The following NPC1L1 variants were observed in gnomAD, a reference collection of about 807,000 sequenced individuals.
The protein encoded by NPC1L1 is NPC1-like intracellular cholesterol transporter 1.
A neutral mutation model predicts 117.0 loss-of-function variants in NPC1L1; 98 were observed. That is an observed-to-expected ratio of 0.84 (90% confidence interval 0.71 to 0.99). The LOEUF is 0.99. NPC1L1 is among the 50% of genes least tolerant of loss of function. The probability of loss-of-function intolerance (pLI) is 0.00; values close to 1 mark genes in which losing one functional copy is unlikely to be tolerated. For synonymous variants in NPC1L1, 729 were observed against 727.6 expected (o/e 1.00, Z -0.03); for missense variants, 1,540 against 1,710.0 (o/e 0.90, Z 1.75).
rs935094047 is a variant in NPC1L1, at chr7:44,535,690, T to C, written c.1983+150A>G. 136 of 959,236 alleles carry C rather than the reference T, an allele frequency of 1.4e-4. 1 individual carries two copies. Among genetic ancestry groups the C allele is most frequent in the Non-Finnish European group, 4.9e-6 (3 of 616,888 alleles). 59.4% of individuals were successfully genotyped at this position (959,236 alleles called of 1,614,324 possible). ...CTCTTGACCTTTCAGCACAGAACAC[T>C]TGCAAGAGGTATTACCCTTTGGGGC... On this transcript the variant is annotated intron_variant, in intron 5 of 18. Coordinates refer to ENST00000381160, the MANE Select transcript of NPC1L1 (RefSeq NM_001101648.2).
intron 14 of NPC1L1, among the ~76,000 whole-genome samples, chr7:44,520,095 C>T (rs913966105): frequency 1.3e-5 from 2 of 152,180 alleles, no homozygotes; most frequent in African/African-American, 2.4e-5. Context: ...GCTTGGCCAA[C>T]GTGGTGCAAT....
At chr7:44,523,754 C>A (rs117990183) in intron 10 of NPC1L1, among the ~76,000 whole-genome samples, 1,676 of 152,290 alleles carry the variant, frequency 0.011, 12 homozygotes, top group Non-Finnish European at 0.017. Context: ...GTAGTCCTAG[C>A]TACTCAGGAG....
At chr7:44,540,627 C>T (rs1241180633) in intron 1 of NPC1L1, among the ~76,000 whole-genome samples, 3 of 152,156 alleles carry the variant, frequency 2.0e-5, no homozygotes, top group Middle Eastern at 3.4e-3. Context: ...TCCAAGGTCC[C>T]GGGCTCTGCC....
intron 5 of NPC1L1, among the ~76,000 whole-genome samples, chr7:44,535,596 A>G (rs1801856708): frequency 6.6e-6 from 1 of 152,130 alleles, no homozygotes; most frequent in African/African-American, 2.4e-5. Flanking sequence ...AGAGGGTAGG[A>G]GGGAAAAGAG....
In NPC1L1 at chr7:44,538,517, G is replaced by A. The variant is rs912946535; in HGVS notation, c.1580+300C>T. On this transcript the variant is annotated intron_variant, in intron 2 of 18. Coordinates refer to ENST00000381160, the MANE Select transcript of NPC1L1 (RefSeq NM_001101648.2). The surrounding 1 kb of genome is among the most constrained non-coding windows in gnomAD (Gnocchi z 5.9). Reference sequence around the variant, plus strand: ...CTCCTCTGTCAGACTTAAAGCAAGAGTGTGGCAGGGAGCTCCCACATGTCA... The same window carrying A: ...CTCCTCTGTCAGACTTAAAGCAAGAATGTGGCAGGGAGCTCCCACATGTCA... Among the ~76,000 whole-genome samples, 7 of 152,266 alleles carry A rather than the reference G, an allele frequency of 4.6e-5. No homozygotes were observed. The highest frequency in any genetic ancestry group is 1.7e-4 in the African/African-American group (7 of 41,474).
At chr7:44,532,549 C>T (rs1326143575) in intron 8 of NPC1L1, among the ~76,000 whole-genome samples, 3 of 152,148 alleles carry the variant, frequency 2.0e-5, no homozygotes, top group Non-Finnish European at 4.4e-5. Context: ...ATCAAGCCCT[C>T]CTCTTCCTCC....
At chr7:44,529,464 T>C (rs890025210) in intron 10 of NPC1L1, among the ~76,000 whole-genome samples, 9 of 151,660 alleles carry the variant, frequency 5.9e-5, no homozygotes, top group Non-Finnish European at 8.8e-5. Flanking sequence ...CCACAACCTC[T>C]GCCTCCCAGG....
chr7:44,526,495 G>C (rs217413), intron 10 of NPC1L1, among the ~76,000 whole-genome samples: 27,465 of 143,292 alleles, frequency 0.19, 2,864 homozygotes, highest in Non-Finnish European at 0.23. Context: ...GTTGCAGTGA[G>C]CCGAGATCAC....
chr7:44,540,231 A>T lies in NPC1L1; in HGVS notation c.166T>A (p.Ser56Thr). The change falls in exon 2 of 19, where the codon TCC becomes ACC. Residue 56 changes from serine to threonine, a missense_variant. Physicochemically the swap from Ser to Thr is moderately conservative, Grantham distance 58. This residue lies in a region of NPC1L1 where 793 missense variants were observed against 820.4 expected (regional missense o/e 0.97). Transcript: ENST00000381160. The stretch of plus-strand genomic sequence containing the variant: ...CGGGCCGGCGTGTTGGACAGGCAGG[A>T]CACGTTGGAGAGTGTCATGAGGCTT... ...SGSLMTLSNV[S>T]CLSNTPARKI... 2 of 1,614,032 alleles carry T rather than the reference A, an allele frequency of 1.2e-6. No homozygotes were observed. Among genetic ancestry groups the T allele is most frequent in the Non-Finnish European group, 1.7e-6 (2 of 1,180,022 alleles).
At chr7:44,531,623 T>C (rs1642586016) in intron 10 of NPC1L1, 132 bp downstream of exon 10, 2 of 755,068 alleles carry the variant, frequency 2.6e-6, no homozygotes, top group Non-Finnish European at 2.2e-6. Flanking sequence ...TGGAGGTGCC[T>C]CCAGAGTAAT....
Position 44,532,146 on chromosome 7 carries a change from G to A in NPC1L1, c.2481C>T (p.Leu827=), listed in dbSNP as rs546039824. 72 of 1,614,072 alleles carry A rather than the reference G, an allele frequency of 4.5e-5. 1 individual carries two copies. The South Asian group carries it at 7.7e-4, about 17-fold the overall frequency. ...AAGCCTTTTGGAAGAAGCCAAGCAGGAGCCCCTCTCCCTGGCCAGGCGGGG... is the reference window on the plus strand; with the variant it reads ...AAGCCTTTTGGAAGAAGCCAAGCAGAAGCCCCTCTCCCTGGCCAGGCGGGG... The part of the protein sequence containing the change: ...ELPPPGQGEG[L]LLGFFQKAYA... Residue 827 remains leucine, a synonymous_variant, in exon 9 of 19, where the codon CTC becomes CTT. Transcript: ENST00000381160.
Position 44,534,368 on chromosome 7 carries a change from C to T in NPC1L1, c.2166+79G>A, listed in dbSNP as rs755981404. The T allele has an allele frequency of 1.2e-5, 18 of 1,449,114 alleles. No homozygotes were observed. The highest frequency in any genetic ancestry group is 1.7e-5 in the Non-Finnish European group (18 of 1,030,038). 89.8% of individuals were successfully genotyped at this position (1,449,114 alleles called of 1,614,324 possible). On this transcript the variant is annotated intron_variant, in intron 6 of 18. Transcript: ENST00000381160. This position sits in a 1 kb window ranked among gnomAD's most constrained non-coding sequence, Gnocchi z 5.2. ...TGCAGGGAGACCCAGCAAATTCACG[C>T]CAGAGTCCCATCAGGCCAGGAGGTG... is the stretch of plus-strand genomic sequence containing the variant.
rs149414174 is a variant in NPC1L1, at chr7:44,516,538, C to A, written c.3519+165G>T. Among the ~76,000 whole-genome samples, 33 of 152,128 alleles carry A rather than the reference C, an allele frequency of 2.2e-4. No homozygotes were observed. In the East Asian group the frequency reaches 6.2e-3, roughly 29 times the overall value. On this transcript the variant is annotated intron_variant, in intron 16 of 18. Transcript: ENST00000381160. ...GGAGGATCGCTTGAGCCCAAGGGTT[C>A]GAGGCTACAGTGAGCTGTGATCATG...
In NPC1L1 at chr7:44,538,204, C is replaced by T. The variant is rs1801959182; in HGVS notation, c.1580+613G>A. Among the ~76,000 whole-genome samples the T allele has an allele frequency of 6.6e-6, 1 of 152,260 alleles. No individual in the cohort carries two copies. Among genetic ancestry groups the T allele is most frequent in the African/African-American group, 2.4e-5 (1 of 41,464 alleles). On this transcript the variant is annotated intron_variant, in intron 2 of 18. Coordinates refer to ENST00000381160, the MANE Select transcript of NPC1L1 (RefSeq NM_001101648.2). The surrounding 1 kb of genome is among the most constrained non-coding windows in gnomAD (Gnocchi z 5.9). ...CCACTGCCAAGGCCCTGCTGCTGCC[C>T]TTGGCTCTTGGCCCCCTTGGCCCAG... is the stretch of plus-strand genomic sequence containing the variant.
intron 10 of NPC1L1, among the ~76,000 whole-genome samples, chr7:44,528,995 C>T (rs112043196): frequency 8.6e-5 from 13 of 151,316 alleles, no homozygotes; most frequent in South Asian, 8.4e-4. Context: ...TGCTTGAACC[C>T]GGGAGGTGTA....
In NPC1L1 at chr7:44,540,254, C is replaced by G. The variant is rs1195848723; in HGVS notation, c.143G>C (p.Ser48Thr). The G allele has an allele frequency of 6.2e-7, 1 of 1,614,090 alleles. No homozygotes were observed. The change falls in exon 2 of 19, where the codon AGC (serine) becomes ACC (threonine). Residue 48 changes from serine to threonine, a missense_variant. Transcript: ENST00000381160. Reference sequence around the variant, plus strand: ...GGACACGTTGGAGAGTGTCATGAGGCTTCCAGACAGCTCTGGGTTCTTCCC... The same window carrying G: ...GGACACGTTGGAGAGTGTCATGAGGGTTCCAGACAGCTCTGGGTTCTTCCC... ...ECGKNPELSG[S>T]LMTLSNVSCL...
Position 44,521,007 on chromosome 7 carries a change from A to C in NPC1L1, c.3065T>G (p.Ile1022Ser), listed in dbSNP as rs779701018. 1.1e-5 allele frequency: 17 copies of C among 1,613,920 alleles called. No homozygotes were observed. The highest frequency in any genetic ancestry group is 1.4e-5 in the Non-Finnish European group (17 of 1,180,004). ...CCAAGCTTACCCTTTGGGACATTTG[A>C]TGTTGGGCCGGTCGTTCAGGAACCA... ...LPWFLNDRPN[I>S]KCPKGGLAAY... Residue 1022 changes from isoleucine (I) to serine (S), a missense_variant, in exon 13 of 19, where the codon ATC becomes AGC. Ile to Ser is a moderately radical substitution (Grantham distance 142, BLOSUM62 -2). Coordinates refer to ENST00000381160, the MANE Select transcript of NPC1L1 (RefSeq NM_001101648.2).
intron 18 of NPC1L1, 72 bp from the exon 19 acceptor site, chr7:44,513,721 G>T (rs1031139946): frequency 6.5e-7 from 1 of 1,542,998 alleles, no homozygotes; most frequent in Non-Finnish European, 8.8e-7. Context: ...TCCTGGTTCT[G>T]TACAACAAAC....
chr7:44,514,104 G>A (rs1241440147), intron 18 of NPC1L1, among the ~76,000 whole-genome samples: 6 of 152,206 alleles, frequency 3.9e-5, no homozygotes, highest in Non-Finnish European at 8.8e-5. Context: ...TCCCTCATCT[G>A]TAAAATGGGA....
Sources: gnomAD v4.1 joint callset for allele counts (sites outside exome capture counted in the v4.1 genomes callset) on GRCh38, gnomAD v4.1.1 for gene constraint, gnomAD v4.1.1 regional missense constraint, Gnocchi (gnomAD v3.1) non-coding constraint, MANE v1.5 for transcripts, NCBI Gene and HGNC (gene_info 2026-07-23, HGNC 2026-07-21) for gene names.